CTNNA2: variants seen among roughly 807,000 people sequenced by gnomAD.
CTNNA2 encodes catenin alpha 2, also known as catenin alpha-2.
In CTNNA2, 42 loss-of-function variants were observed where a neutral mutation model predicts 101.0. The ratio of observed to expected loss-of-function variants is 0.42; its 90% CI spans 0.32 to 0.54. The LOEUF is 0.54. Ranked by LOEUF, CTNNA2 falls within the 20% of genes least tolerant of loss-of-function variation. The pLI, the probability that CTNNA2 is intolerant of heterozygous loss-of-function variation, is 0.14. For missense variants in CTNNA2, 871 were observed against 1,223.1 expected (o/e 0.71, Z 4.29); for synonymous variants, 450 against 456.4 (o/e 0.99, Z 0.18).
Position 80,302,003 on chromosome 2 carries a change from C to G in CTNNA2, c.1057-91208C>G, listed in dbSNP as rs1676367116. 2.4e-6 allele frequency: 1 copy of G among 421,224 alleles called. No individual in the cohort carries two copies. Among genetic ancestry groups the G allele is most frequent in the Non-Finnish European group, 4.2e-6 (1 of 240,500 alleles). The allele number at this position is 421,224 out of a possible 1,614,324, so 26.1% of individuals were successfully genotyped here. On this transcript the variant is annotated intron_variant, in intron 7 of 18. Transcript: ENST00000402739. The surrounding 1 kb of genome is among the most constrained non-coding windows in gnomAD (Gnocchi z 6.4). ...AGATCTTCAAAGGGAGGAAGGAGTT[C>G]TCATATGAAATTTAAGATAGACTGT...
chr2:80,389,127 A>G (rs1677272433), intron 7 of CTNNA2, among the ~76,000 whole-genome samples: 1 of 152,196 alleles, frequency 6.6e-6, no homozygotes, highest in Admixed American at 6.5e-5. Context: ...GTGATCCAAA[A>G]ATAGTTTCTA....
intron 7 of CTNNA2, among the ~76,000 whole-genome samples, chr2:80,322,063 T>C (rs1317369742): frequency 1.3e-5 from 2 of 152,142 alleles, no homozygotes; most frequent in Non-Finnish European, 2.9e-5. Context: ...TAAGATGAGG[T>C]TTGAGACATT....
intron 3 of CTNNA2, among the ~76,000 whole-genome samples, chr2:79,815,836 A>C (rs1677447841): frequency 6.6e-6 from 1 of 151,928 alleles, no homozygotes; most frequent in Non-Finnish European, 1.5e-5. Context: ...TTGAATTTGT[A>C]GATTGCTTTT....
At chr2:80,491,782 A>G (rs938162531) in intron 9 of CTNNA2, among the ~76,000 whole-genome samples, 1 of 152,190 alleles carries the variant, frequency 6.6e-6, no homozygotes, top group Non-Finnish European at 1.5e-5. Flanking sequence ...GTCATCTTAG[A>G]GGACTCAGAA....
At chr2:80,334,076 C>A (rs1671575975) in intron 7 of CTNNA2, among the ~76,000 whole-genome samples, 1 of 152,156 alleles carries the variant, frequency 6.6e-6, no homozygotes, top group African/African-American at 2.4e-5. Context: ...CTGGACCTTT[C>A]TGCTGTCAGA....
chr2:79,576,625 G>T (rs1675817554), intron 1 of CTNNA2, among the ~76,000 whole-genome samples: 1 of 151,824 alleles, frequency 6.6e-6, no homozygotes, highest in Non-Finnish European at 1.5e-5. Context: ...GGGCGTGTGG[G>T]GTGTGTATGC....
chr2:80,104,686 C>T (rs10496237), intron 7 of CTNNA2, among the ~76,000 whole-genome samples: 32,775 of 152,144 alleles, frequency 0.22, 4,251 homozygotes, highest in East Asian at 0.51. Flanking sequence ...TGTTGGTATG[C>T]AACCATAATA....
chr2:80,043,155 T>TTTCTTTCTTTCTCTCTCTCTCTCTTTC (rs1696276915), intron 7 of CTNNA2, among the ~76,000 whole-genome samples: 2 of 84,590 alleles, frequency 2.4e-5, no homozygotes, highest in Admixed American at 1.3e-4. Flanking sequence ...CCTTCCTTCC[T>TTTCTTTCTTTCTCTCTCTCTCTCTTTC]TCCTTCCTTC....
chr2:80,003,154 CTG>C (rs1189170210), intron 7 of CTNNA2, among the ~76,000 whole-genome samples: 1 of 152,148 alleles, frequency 6.6e-6, no homozygotes, highest in African/African-American at 2.4e-5. Flanking sequence ...CTGTTGGACA[CTG>C]TGCCACCAGG....
At chr2:80,392,260 T>A (rs1573929348) in intron 7 of CTNNA2, among the ~76,000 whole-genome samples, 1 of 152,196 alleles carries the variant, frequency 6.6e-6, no homozygotes, top group Non-Finnish European at 1.5e-5. Flanking sequence ...TTATAGAGAC[T>A]GAGTAGGCCA....
At chr2:80,197,417 A>G (rs950038695) in intron 7 of CTNNA2, among the ~76,000 whole-genome samples, 1 of 152,232 alleles carries the variant, frequency 6.6e-6, no homozygotes, top group African/African-American at 2.4e-5. Flanking sequence ...CATCTTATGT[A>G]CCAAGAAATC....
chr2:79,798,173 T>G (rs946696533), intron 3 of CTNNA2, among the ~76,000 whole-genome samples: 3 of 152,294 alleles, frequency 2.0e-5, no homozygotes, highest in Middle Eastern at 3.4e-3. Context: ...TAACTGGATA[T>G]TCCAAGAATT....
chr2:79,961,235 C>T (rs1457046716), intron 7 of CTNNA2, among the ~76,000 whole-genome samples: 3 of 152,160 alleles, frequency 2.0e-5, no homozygotes, highest in Non-Finnish European at 4.4e-5. Flanking sequence ...TTTTGGGCCT[C>T]TACTATGTGC....
At chr2:79,580,863 G>C (rs899624778) in intron 1 of CTNNA2, among the ~76,000 whole-genome samples, 2 of 152,008 alleles carry the variant, frequency 1.3e-5, no homozygotes, top group Admixed American at 6.5e-5. Context: ...ATATATGCAT[G>C]AGAAAAAAAA....
chr2:79,998,770 A>G (rs1243147313), intron 7 of CTNNA2, among the ~76,000 whole-genome samples: 1 of 152,164 alleles, frequency 6.6e-6, no homozygotes, highest in African/African-American at 2.4e-5. Context: ...CTATTTCGAT[A>G]TTTATGCCTA....
intron 2 of CTNNA2, among the ~76,000 whole-genome samples, chr2:79,252,033 G>T (rs990065558): frequency 2.6e-5 from 4 of 152,112 alleles, no homozygotes; most frequent in African/African-American, 9.7e-5. Flanking sequence ...TAGATATCAA[G>T]AATTCAACAC....
chr2:80,345,251 C>T (rs73938277), intron 7 of CTNNA2, among the ~76,000 whole-genome samples: 3,958 of 152,296 alleles, frequency 0.026, 117 homozygotes, highest in African/African-American at 0.065. Flanking sequence ...TGCTCTTCTT[C>T]ATTCAGCTCC....
intron 9 of CTNNA2, among the ~76,000 whole-genome samples, chr2:80,541,508 A>G (rs142481105): frequency 1.3e-5 from 2 of 152,202 alleles, no homozygotes; most frequent in African/African-American, 4.8e-5. Context: ...AATTTAAACA[A>G]AAGATGAGAA....
intron 4 of CTNNA2, among the ~76,000 whole-genome samples, chr2:79,503,213 G>C (rs984920596): frequency 1.3e-4 from 19 of 152,000 alleles, no homozygotes; most frequent in Non-Finnish European, 2.2e-4. Context: ...AAAGAACAGG[G>C]CTCATAGTTG....
Sources: gnomAD v4.1 joint callset for allele counts (sites outside exome capture counted in the v4.1 genomes callset) on GRCh38, gnomAD v4.1.1 for gene constraint, Gnocchi (gnomAD v3.1) non-coding constraint, MANE v1.5 for transcripts, NCBI Gene and HGNC (gene_info 2026-07-23, HGNC 2026-07-21) for gene names.